The following CWC27 variants were observed in gnomAD, a reference collection of about 807,000 sequenced individuals.
The protein encoded by CWC27 is spliceosome-associated protein CWC27 homolog.
CWC27 carries 47 observed loss-of-function variants against 63.6 expected under a neutral mutation model. The observed-to-expected ratio is 0.74, with a 90% CI of 0.58 to 0.94. CWC27 has a LOEUF of 0.94. CWC27 is among the 40% of genes least tolerant of loss of function. The pLI is 0.00. For synonymous variants in CWC27, 175 were observed against 179.8 expected, an observed-to-expected ratio of 0.97 and a Z score of 0.22; for missense variants, 495 against 554.3, an observed-to-expected ratio of 0.89 and a Z score of 1.07.
intron 11 of CWC27, among the ~76,000 whole-genome samples, chr5:64,888,766 T>C (rs1350703354): frequency 6.6e-6 from 1 of 152,010 alleles, no homozygotes; most frequent in Non-Finnish European, 1.5e-5. Context: ...ATCTACCATC[T>C]ACCAATAGAT....
intron 11 of CWC27, among the ~76,000 whole-genome samples, chr5:64,906,988 G>C (rs985958118): frequency 6.6e-6 from 1 of 152,182 alleles, no homozygotes; most frequent in Non-Finnish European, 1.5e-5. Flanking sequence ...GATGTGTGGT[G>C]TTATTTCTGA....
chr5:64,832,039 A>G (rs991180042), intron 10 of CWC27, among the ~76,000 whole-genome samples: 4 of 151,940 alleles, frequency 2.6e-5, no homozygotes, highest in African/African-American at 9.7e-5. Flanking sequence ...CCAAAACTCA[A>G]CAAGTAGTAA....
At chr5:64,900,114 G>A (rs1011880215) in intron 11 of CWC27, among the ~76,000 whole-genome samples, 1 of 152,196 alleles carries the variant, frequency 6.6e-6, no homozygotes, top group Non-Finnish European at 1.5e-5. Context: ...TCATGTGATA[G>A]GTGTATGTTC....
intron 10 of CWC27, among the ~76,000 whole-genome samples, chr5:64,806,332 A>C (rs1252521758): frequency 6.6e-6 from 1 of 152,222 alleles, no homozygotes; most frequent in Non-Finnish European, 1.5e-5. Flanking sequence ...TAGAAAAGTA[A>C]ATTAAATAAG....
rs75915896 is a variant in CWC27 at position 64,855,636 on chromosome 5, G to C, written c.939-29807G>C. ...TACCCAAGCAAGCCTACACAAAGAG[G>C]AGTTGGGGATAATCTGGTAATACTA... is the stretch of plus-strand genomic sequence containing the variant. On this transcript the variant is annotated intron_variant, in intron 10 of 13. Coordinates refer to ENST00000381070, the MANE Select transcript of CWC27 (RefSeq NM_005869.4). Among the ~76,000 whole-genome samples the C allele has an allele frequency of 1.5e-3, 222 of 152,228 alleles. 1 individual carries two copies. Among genetic ancestry groups the C allele is most frequent in the African/African-American group, 4.9e-3 (204 of 41,568 alleles).
At chr5:64,916,653 T>C (rs1447553407) in intron 11 of CWC27, among the ~76,000 whole-genome samples, 1 of 152,098 alleles carries the variant, frequency 6.6e-6, no homozygotes, top group Non-Finnish European at 1.5e-5. Flanking sequence ...GAGACAGATA[T>C]TAATTGCTGA....
Position 64,859,709 on chromosome 5 carries a change from G to T in CWC27, c.939-25734G>T, listed in dbSNP as rs117135471. ...TCAAGGTTTGTCTAAGGAAGGTACT[G>T]TGTGTGCAGCAGCATTCTAGAAGCA... On this transcript the variant is annotated intron_variant, in intron 10 of 13. Coordinates refer to ENST00000381070, the MANE Select transcript of CWC27 (RefSeq NM_005869.4). 1.4e-3 allele frequency among the ~76,000 whole-genome samples: 214 copies of T among 152,274 alleles called. 1 individual carries two copies. The East Asian group carries it at 0.024, about 17-fold the overall frequency.
At chr5:64,942,757 T>C (rs1748511075) in intron 11 of CWC27, among the ~76,000 whole-genome samples, 1 of 152,236 alleles carries the variant, frequency 6.6e-6, no homozygotes, top group South Asian at 2.1e-4. Context: ...CTCGTTACTG[T>C]AGACTAAATA....
At chr5:64,854,296 A>G (rs925790391) in intron 10 of CWC27, among the ~76,000 whole-genome samples, 1 of 152,204 alleles carries the variant, frequency 6.6e-6, no homozygotes, top group East Asian at 1.9e-4. Flanking sequence ...ATTCTTTTGA[A>G]TATATACCTA....
intron 11 of CWC27, among the ~76,000 whole-genome samples, chr5:64,936,921 T>C (rs1172000187): frequency 6.6e-6 from 1 of 152,222 alleles, no homozygotes; most frequent in Non-Finnish European, 1.5e-5. Context: ...TGGTAGTTTG[T>C]ATTTCTGTGC....
chr5:64,824,581 C>G (rs866699955), intron 10 of CWC27, among the ~76,000 whole-genome samples: 1 of 151,642 alleles, frequency 6.6e-6, no homozygotes, highest in Non-Finnish European at 1.5e-5. Flanking sequence ...AGCTGGGGCT[C>G]TACTCACCAA....
Position 64,818,178 on chromosome 5 carries a change from A to G in CWC27, c.938+13792A>G, listed in dbSNP as rs565629204. 6.6e-5 allele frequency among the ~76,000 whole-genome samples: 10 copies of G among 152,226 alleles called. No homozygotes were observed. In the South Asian group the frequency reaches 2.1e-3, roughly 32 times the overall value. On this transcript the variant is annotated intron_variant, in intron 10 of 13. Transcript: ENST00000381070. Reference sequence around the variant, plus strand: ...AAAGGCAGATGTTAATTGGCATATGAGTTTAAGTTGCTGAATCACTTCTTT... The same window carrying G: ...AAAGGCAGATGTTAATTGGCATATGGGTTTAAGTTGCTGAATCACTTCTTT...
chr5:64,910,754 G>C (rs6880542), intron 11 of CWC27, among the ~76,000 whole-genome samples: 1 of 152,194 alleles, frequency 6.6e-6, no homozygotes, highest in South Asian at 2.1e-4. Flanking sequence ...GGGACCAGCC[G>C]AGCCAGGCAC....
chr5:65,018,514 A>G lies in CWC27; in HGVS notation c.*193A>G, dbSNP rs1346082994. 3 of 445,364 alleles carry G rather than the reference A, an allele frequency of 6.7e-6. No individual in the cohort carries two copies. The highest frequency in any genetic ancestry group is 1.2e-5 in the Non-Finnish European group (3 of 257,718). 27.6% of individuals were successfully genotyped at this position (445,364 alleles called of 1,614,324 possible). ...AGCAAATGCTTTTGGTTACTGGTAC[A>G]TGTGTTTTTTCCTAGCTGACCTTTT... On this transcript the variant is annotated 3_prime_UTR_variant, in exon 14 of 14. Coordinates refer to ENST00000381070, the MANE Select transcript of CWC27 (RefSeq NM_005869.4).
intron 10 of CWC27, among the ~76,000 whole-genome samples, chr5:64,850,184 A>G (rs1204722921): frequency 3.5e-5 from 5 of 144,844 alleles, no homozygotes; most frequent in Non-Finnish European, 7.5e-5. Context: ...TATACTACCT[A>G]TACTACAAAG....
chr5:64,870,049 G>A (rs1580690697), intron 10 of CWC27, among the ~76,000 whole-genome samples: 1 of 152,032 alleles, frequency 6.6e-6, no homozygotes, highest in Admixed American at 6.6e-5. Context: ...TGGCATAGTG[G>A]CCATATGCAA....
chr5:64,894,584 C>A (rs1023939546), intron 11 of CWC27, among the ~76,000 whole-genome samples: 3 of 152,148 alleles, frequency 2.0e-5, no homozygotes, highest in Non-Finnish European at 4.4e-5. Flanking sequence ...TGGAACACAT[C>A]AATTTCTGTC....
intron 10 of CWC27, among the ~76,000 whole-genome samples, chr5:64,884,460 T>A (rs1438348738): frequency 6.6e-6 from 1 of 152,090 alleles, no homozygotes; most frequent in Non-Finnish European, 1.5e-5. Context: ...TAAAAAGGTA[T>A]AGGATTTGGG....
At chr5:64,973,061 A>C (rs572076368) in intron 12 of CWC27, among the ~76,000 whole-genome samples, 2 of 152,218 alleles carry the variant, frequency 1.3e-5, no homozygotes, top group Admixed American at 1.3e-4. Context: ...GAGGCAGAGC[A>C]TGGCTAGACA....
Sources: gnomAD v4.1 joint callset for allele counts (sites outside exome capture counted in the v4.1 genomes callset) on GRCh38, gnomAD v4.1.1 for gene constraint, MANE v1.5 for transcripts, NCBI Gene and HGNC (gene_info 2026-07-23, HGNC 2026-07-21) for gene names.